CDR2: variants seen among roughly 807,000 people sequenced by gnomAD.
CDR2 encodes cerebellar degeneration-related protein 2.
Under a neutral mutation model 48.4 loss-of-function variants are expected in CDR2, and 34 were observed. The observed-to-expected ratio is 0.70, with a 90% CI of 0.53 to 0.94. The LOEUF (loss-of-function observed/expected upper bound fraction) is 0.94, where lower values mean the gene tolerates loss of function less well. Among genes scored for constraint, CDR2 ranks in the 40% least tolerant of loss-of-function variants. The pLI, the probability that CDR2 is intolerant of heterozygous loss-of-function variation, is 0.00. For missense variants in CDR2, 498 were observed against 549.5 expected (o/e 0.91, Z 0.94); for synonymous variants, 240 against 219.7 (o/e 1.09, Z -0.82).
At chr16:22,364,863 G>T in intron 2 of CDR2, 39 bp downstream of exon 2, 3 of 1,151,840 alleles carry the variant, frequency 2.6e-6, no homozygotes, top group Non-Finnish European at 2.6e-6. Flanking sequence ...GCAACACATC[G>T]AAGTGTCAAA....
chr16:22,365,767 A>G (rs2049041276), intron 1 of CDR2, among the ~76,000 whole-genome samples: 1 of 152,214 alleles, frequency 6.6e-6, no homozygotes, highest in Admixed American at 6.5e-5. Flanking sequence ...TTTAGTTAAC[A>G]ATATAAGAAA....
In CDR2 at chr16:22,347,018, G is replaced by C. The variant is rs766510745; in HGVS notation, c.1312C>G (p.Gln438Glu). Reference sequence around the variant, plus strand: ...TTTGTTCTCTGTTCATCTATTTCCTGCTTAGTTTTCTTGATGCAACTAAAG... The same window carrying C: ...TTTGTTCTCTGTTCATCTATTTCCTCCTTAGTTTTCTTGATGCAACTAAAG... The part of the protein sequence containing the change: ...EIFSCIKKTK[Q>E]EIDEQRTKYR... Residue 438 changes from glutamine to glutamate, a missense_variant, in exon 5 of 5, where the codon CAG becomes GAG. Coordinates refer to ENST00000268383, the MANE Select transcript of CDR2 (RefSeq NM_001802.2). 1.9e-6 allele frequency: 3 copies of C among 1,613,854 alleles called. No individual in the cohort carries two copies. In the African/African-American group the frequency reaches 4.0e-5, roughly 22 times the overall value.
intron 2 of CDR2, among the ~76,000 whole-genome samples, chr16:22,360,650 G>T (rs1046995259): frequency 4.6e-5 from 7 of 151,318 alleles, no homozygotes; most frequent in African/African-American, 1.7e-4. Flanking sequence ...CATTCTTCTG[G>T]ACTGTCTCAT....
At chr16:22,371,854 G>GTA (rs1488095486) in intron 1 of CDR2, among the ~76,000 whole-genome samples, 256 of 6,388 alleles carry the variant, frequency 0.04, 1 homozygote, top group Middle Eastern at 0.38. Context: ...AGATATGTGT[G>GTA]TGTGTGTGTG....
At chr16:22,368,178 T>G (rs1393980461) in intron 1 of CDR2, among the ~76,000 whole-genome samples, 1 of 152,228 alleles carries the variant, frequency 6.6e-6, no homozygotes, top group Non-Finnish European at 1.5e-5. Flanking sequence ...CTCAAAGCAT[T>G]TAAGAGACAT....
In CDR2 at chr16:22,374,508, G is replaced by A. The variant is rs2049105476; in HGVS notation, c.-199C>T. On this transcript the variant is annotated 5_prime_UTR_variant, in exon 1 of 5. Coordinates refer to ENST00000268383, the MANE Select transcript of CDR2 (RefSeq NM_001802.2). Reference sequence around the variant, plus strand: ...GGCCGGCTGCCTCGACTCGCCTCGCGCCTACCGACGGCCCCAACGGCCGGG... The same window carrying A: ...GGCCGGCTGCCTCGACTCGCCTCGCACCTACCGACGGCCCCAACGGCCGGG... 1 of 230,012 alleles carries A rather than the reference G, an allele frequency of 4.3e-6. No homozygotes were observed. Among genetic ancestry groups the A allele is most frequent in the Non-Finnish European group, 8.3e-6 (1 of 119,790 alleles). The allele number at this position is 230,012 out of a possible 1,614,324, so 14.2% of individuals were successfully genotyped here. A position where few individuals can be genotyped will look rare whatever the true frequency, so the allele number is the denominator to read the frequency against.
intron 1 of CDR2, among the ~76,000 whole-genome samples, chr16:22,372,112 T>C (rs2049082523): frequency 1.3e-5 from 2 of 152,152 alleles, no homozygotes; most frequent in South Asian, 2.1e-4. Flanking sequence ...TCAGGTTATA[T>C]GCCCGCCTCG....
intron 2 of CDR2, among the ~76,000 whole-genome samples, chr16:22,362,268 A>C (rs768722863): frequency 6.6e-6 from 1 of 152,184 alleles, no homozygotes; most frequent in Non-Finnish European, 1.5e-5. Flanking sequence ...GCTTTGCAAT[A>C]TCTTATGGAT....
At chr16:22,348,001 G>A (rs955474699) in intron 4 of CDR2, among the ~76,000 whole-genome samples, 178 bp from the exon 5 acceptor site, 1 of 151,912 alleles carries the variant, frequency 6.6e-6, no homozygotes, top group Non-Finnish European at 1.5e-5. Flanking sequence ...GCAGTGAAGC[G>A]ATCTCAGCTC....
chr16:22,372,080 G>C (rs1202153770), intron 1 of CDR2, among the ~76,000 whole-genome samples: 1 of 152,138 alleles, frequency 6.6e-6, no homozygotes, highest in East Asian at 1.9e-4. Flanking sequence ...ATGTTGGCCA[G>C]GCTGGTCTCG....
At position 22,349,431 on chromosome 16, in the gene CDR2, C is replaced by A; in HGVS notation, c.354G>T (p.Thr118=). The change falls in exon 4 of 5, where the codon ACG becomes ACT. Residue 118 remains threonine, a synonymous_variant. Transcript: ENST00000268383. ...CAATGTTGGTTTGCAGGCATTCAATCGTTTCAGTCAGGCTGTGAGGAACAG... is the reference window on the plus strand; with the variant it reads ...CAATGTTGGTTTGCAGGCATTCAATAGTTTCAGTCAGGCTGTGAGGAACAG... ...SQQKILSLTE[T]IECLQTNIDH... The A allele has an allele frequency of 6.2e-7, 1 of 1,614,132 alleles. No homozygotes were observed. The highest frequency in any genetic ancestry group is 8.5e-7 in the Non-Finnish European group (1 of 1,180,040).
intron 2 of CDR2, among the ~76,000 whole-genome samples, chr16:22,353,330 C>T (rs1161436432): frequency 6.6e-6 from 1 of 152,124 alleles, no homozygotes; most frequent in Non-Finnish European, 1.5e-5. Context: ...GGTATAGTAG[C>T]TAAGAGCACA....
chr16:22,360,739 CTTTTTTTTTT>C (rs201976962), intron 2 of CDR2, among the ~76,000 whole-genome samples: 17 of 74,140 alleles, frequency 2.3e-4, no homozygotes, highest in South Asian at 7.5e-4. Context: ...AAAAAATGAT[CTTTTTTTTTT>C]TTTTTTTTTT....
intron 1 of CDR2, among the ~76,000 whole-genome samples, chr16:22,371,956 C>T (rs1329784089): frequency 4.6e-5 from 7 of 151,982 alleles, no homozygotes; most frequent in African/African-American, 7.3e-5. Context: ...ACTGCAACTC[C>T]GCCTCCCAGT....
intron 2 of CDR2, among the ~76,000 whole-genome samples, chr16:22,352,647 A>G (rs1313341383): frequency 2.6e-5 from 4 of 152,170 alleles, no homozygotes; most frequent in Non-Finnish European, 5.9e-5. Flanking sequence ...AGTTCAGGTA[A>G]AGATCTACTA....
chr16:22,359,701 T>C lies in CDR2; in HGVS notation c.192+5201A>G, dbSNP rs567218275. On this transcript the variant is annotated intron_variant, in intron 2 of 4. Coordinates refer to ENST00000268383, the MANE Select transcript of CDR2 (RefSeq NM_001802.2). The stretch of plus-strand genomic sequence containing the variant: ...AGCTATTTGCAATTAAAATTGAGGG[T>C]TTAAACCTGAATCTCCTAAAACAGA... 1.7e-3 allele frequency among the ~76,000 whole-genome samples: 253 copies of C among 152,232 alleles called. 1 individual carries two copies. The highest frequency in any genetic ancestry group is 3.3e-3 in the Non-Finnish European group (222 of 68,004).
intron 1 of CDR2, chr16:22,369,075 T>C (rs557484823): frequency 6.6e-6 from 1 of 152,234 alleles, no homozygotes; most frequent in South Asian, 2.1e-4. Flanking sequence ...AAGTCTTTCC[T>C]TCTTAAATGT....
rs1598292598 is a variant in CDR2 at position 22,355,453 on chromosome 16, G to C, written c.193-5604C>G. Reference sequence around the variant, plus strand: ...GTCTGTGAACATGGATGAATTTAAAGGGTCTGAACAGCTACATCTTCATTT... The same window carrying C: ...GTCTGTGAACATGGATGAATTTAAACGGTCTGAACAGCTACATCTTCATTT... On this transcript the variant is annotated intron_variant, in intron 2 of 4. Coordinates refer to ENST00000268383, the MANE Select transcript of CDR2 (RefSeq NM_001802.2). Among the ~76,000 whole-genome samples, 3 of 152,336 alleles carry C rather than the reference G, an allele frequency of 2.0e-5. No homozygotes were observed. In the East Asian group the frequency reaches 5.8e-4, roughly 29 times the overall value.
At position 22,347,821 on chromosome 16, in the gene CDR2, T is replaced by C. The variant is rs2048917606; in HGVS notation, c.509A>G (p.His170Arg). ...AGCGAACACATGATCATACACGAAGTGTCTAGGGAAAAAAATATTGAAAGA... is the reference window on the plus strand; with the variant it reads ...AGCGAACACATGATCATACACGAAGCGTCTAGGGAAAAAAATATTGAAAGA... ...CLKELYDLRQ[H>R]FVYDHVFAEK... The change falls in exon 5 of 5, where the codon CAC becomes CGC. Residue 170 changes from histidine (H) to arginine (R), a missense_variant and splice_region_variant. Physicochemically the swap from His to Arg is conservative, Grantham distance 29. Transcript: ENST00000268383. 10 of 1,602,852 alleles carry C rather than the reference T, an allele frequency of 6.2e-6. No homozygotes were observed. The highest frequency in any genetic ancestry group is 8.5e-6 in the Non-Finnish European group (10 of 1,173,734).
Sources: gnomAD v4.1 joint callset for allele counts (sites outside exome capture counted in the v4.1 genomes callset) on GRCh38, gnomAD v4.1.1 for gene constraint, MANE v1.5 for transcripts, NCBI Gene and HGNC (gene_info 2026-07-23, HGNC 2026-07-21) for gene names.